The following TEK variants were observed in gnomAD, a reference collection of about 807,000 sequenced individuals.
TEK encodes the protein angiopoietin-1 receptor.
Under a neutral mutation model 131.8 loss-of-function variants are expected in TEK, and 43 were observed. That is an observed-to-expected ratio of 0.33 (90% confidence interval 0.26 to 0.42). The LOEUF is 0.42. Ranked by LOEUF, TEK falls within the 10% of genes least tolerant of loss-of-function variation. TEK has a pLI of 1.00. For synonymous variants in TEK, 580 were observed against 491.6 expected (o/e 1.18, Z -2.38); for missense variants, 1,162 against 1,384.4 (o/e 0.84, Z 2.55).
At position 27,109,455 on chromosome 9, in the gene TEK, T is replaced by A; in HGVS notation, c.-136T>A. 1.1e-6 allele frequency: 1 copy of A among 874,960 alleles called. No individual in the cohort carries two copies. Among genetic ancestry groups the A allele is most frequent in the Non-Finnish European group, 2.0e-6 (1 of 511,180 alleles). 54.2% of individuals were successfully genotyped at this position (874,960 alleles called of 1,614,324 possible). ...CTGTTACAGCCTGCTTCTGTGCTGT[T>A]CCTTCTTGCCTCTAACTTGTAAACA... On this transcript the variant is annotated 5_prime_UTR_variant, in exon 1 of 23. Transcript: ENST00000380036.
chr9:27,226,109 A>G (rs1328352521), intron 21 of TEK, among the ~76,000 whole-genome samples: 2 of 152,238 alleles, frequency 1.3e-5, no homozygotes, highest in South Asian at 4.1e-4. Context: ...GTGGAGAAAT[A>G]GGAATGCTTT....
At chr9:27,220,171 A>C (rs1274137687) in intron 21 of TEK, 26 bp downstream of exon 21, 1 of 1,610,632 alleles carries the variant, frequency 6.2e-7, no homozygotes, top group East Asian at 2.2e-5. Flanking sequence ...TCCTGGGGCT[A>C]TTTTGTCTTA....
At chr9:27,154,218 C>T (rs563527532) in intron 1 of TEK, among the ~76,000 whole-genome samples, 2 of 152,096 alleles carry the variant, frequency 1.3e-5, no homozygotes, top group South Asian at 2.1e-4. Flanking sequence ...GCAGAACGTG[C>T]AGGTCTGTTA....
intron 1 of TEK, among the ~76,000 whole-genome samples, chr9:27,119,701 C>T (rs1160356190): frequency 2.0e-5 from 3 of 152,206 alleles, no homozygotes; most frequent in Non-Finnish European, 2.9e-5. Context: ...CCCCCAGTTT[C>T]CTCTCATTTC....
intron 16 of TEK, among the ~76,000 whole-genome samples, chr9:27,211,177 A>ATATATGAATATATG (rs1433320275): frequency 1.5e-5 from 2 of 130,544 alleles, no homozygotes; most frequent in African/African-American, 5.9e-5. Context: ...ATGTGTATAT[A>ATATATGAATATATG]TATATATGAA....
At chr9:27,132,890 C>CAG (rs1001207372) in intron 1 of TEK, among the ~76,000 whole-genome samples, 6 of 151,966 alleles carry the variant, frequency 3.9e-5, no homozygotes, top group Non-Finnish European at 5.9e-5. Context: ...AGAGAGATGA[C>CAG]AGAGAGAGAG....
At position 27,207,984 on chromosome 9, in the gene TEK, G is replaced by T. The variant is rs573658103; in HGVS notation, c.2576-1137G>T. Among the ~76,000 whole-genome samples the T allele has an allele frequency of 1.0e-3, 159 of 152,248 alleles. 1 individual carries two copies. Among genetic ancestry groups the T allele is most frequent in the Non-Finnish European group, 2.0e-3 (133 of 68,024 alleles). On this transcript the variant is annotated intron_variant, in intron 15 of 22. Transcript: ENST00000380036. ...TTGGGGAGCAGTGAGGATAGTGAGAGGAGAGGGGTGTAGAATCTTATGAAG... is the reference window on the plus strand; with the variant it reads ...TTGGGGAGCAGTGAGGATAGTGAGATGAGAGGGGTGTAGAATCTTATGAAG...
chr9:27,218,679 T>TTTTCTC, intron 19 of TEK, 98 bp from the exon 20 acceptor site: 1 of 1,276,618 alleles, frequency 7.8e-7, no homozygotes, highest in Non-Finnish European at 1.1e-6. Context: ...TAACATCTCC[T>TTTTCTC]TTTCTCAGAA....
chr9:27,177,921 C>T (rs187666279), intron 6 of TEK, among the ~76,000 whole-genome samples: 11 of 152,078 alleles, frequency 7.2e-5, no homozygotes, highest in African/African-American at 2.7e-4. Context: ...ATTGTTTCTT[C>T]ACTCTGTTGA....
At chr9:27,209,891 C>A (rs958762669) in intron 16 of TEK, among the ~76,000 whole-genome samples, 5 of 152,056 alleles carry the variant, frequency 3.3e-5, no homozygotes, top group African/African-American at 4.8e-5. Flanking sequence ...AACAAAAATC[C>A]TCTATGGGTT....
At chr9:27,147,719 A>G (rs1245746871) in intron 1 of TEK, among the ~76,000 whole-genome samples, 1 of 152,106 alleles carries the variant, frequency 6.6e-6, no homozygotes, top group Admixed American at 6.6e-5. Flanking sequence ...TTGTATTTTA[A>G]TGTTTTACAC....
intron 21 of TEK, among the ~76,000 whole-genome samples, chr9:27,225,682 G>C (rs1048992161): frequency 3.3e-5 from 5 of 152,196 alleles, no homozygotes; most frequent in African/African-American, 9.6e-5. Flanking sequence ...CATGGGCAAA[G>C]ACTTCATGAC....
At position 27,185,613 on chromosome 9, in the gene TEK, C is replaced by G. The variant is rs780743521; in HGVS notation, c.1311C>G (p.Phe437Leu). The G allele has an allele frequency of 2.5e-6, 4 of 1,613,574 alleles. No individual in the cohort carries two copies. The highest frequency in any genetic ancestry group is 2.7e-5 in the African/African-American group (2 of 74,880). The change falls in exon 9 of 23, where the codon TTC becomes TTG. Residue 437 changes from phenylalanine to leucine, a missense_variant. By Grantham distance (22) the Phe-to-Leu change is conservative. Around this residue, in one of 6 missense-constraint regions of TEK, gnomAD observed 477 missense variants for 471.0 expected, o/e 1.01. Coordinates refer to ENST00000380036, the MANE Select transcript of TEK (RefSeq NM_000459.5). ...TGGCTGGGATGGTGGAAAAGCCCTT[C>G]AACATTTCTGTTAAAGGTAAGTTCA... ...NTVAGMVEKP[F>L]NISVKVLPKP...
chr9:27,212,729 G>A lies in TEK; in HGVS notation c.2709G>A (p.Glu903=). The change falls in exon 17 of 23, where the codon GAG becomes GAA. Residue 903 remains glutamate, a synonymous_variant. Coordinates refer to ENST00000380036, the MANE Select transcript of TEK (RefSeq NM_000459.5). ...EHRGYLYLAI[E]YAPHGNLLDF... ...CAGGCTACTTGTACCTGGCCATTGA[G>A]TACGCGCCCCATGGAAACCTTCTGG... is the stretch of plus-strand genomic sequence containing the variant. 2.5e-6 allele frequency: 4 copies of A among 1,614,106 alleles called. No individual in the cohort carries two copies. Among genetic ancestry groups the A allele is most frequent in the East Asian group, 4.5e-5 (2 of 44,866 alleles).
At chr9:27,141,257 A>G (rs1822712764) in intron 1 of TEK, among the ~76,000 whole-genome samples, 1 of 151,666 alleles carries the variant, frequency 6.6e-6, no homozygotes. Flanking sequence ...TATTTGGCTT[A>G]TATTTTGTTT....
At chr9:27,211,171 GTA>G (rs71492740) in intron 16 of TEK, among the ~76,000 whole-genome samples, 2,771 of 86,644 alleles carry the variant, frequency 0.032, 39 homozygotes, top group Non-Finnish European at 0.057. Context: ...ATATGTATGT[GTA>G]TATATATATA....
At chr9:27,182,475 C>A (rs985151093) in intron 7 of TEK, among the ~76,000 whole-genome samples, 2 of 152,062 alleles carry the variant, frequency 1.3e-5, no homozygotes, top group Admixed American at 6.6e-5. Context: ...AGTATTAGAC[C>A]TCTTTCCCTT....
At chr9:27,136,452 C>T (rs1822439711) in intron 1 of TEK, among the ~76,000 whole-genome samples, 1 of 152,190 alleles carries the variant, frequency 6.6e-6, no homozygotes, top group Non-Finnish European at 1.5e-5. Flanking sequence ...TTCACTCACT[C>T]TTATGCCTCT....
chr9:27,132,945 T>C (rs1822279975), intron 1 of TEK, among the ~76,000 whole-genome samples: 1 of 152,176 alleles, frequency 6.6e-6, no homozygotes, highest in African/African-American at 2.4e-5. Context: ...TTATTACCTT[T>C]AAACATAAAC....
Sources: gnomAD v4.1 joint callset for allele counts (sites outside exome capture counted in the v4.1 genomes callset) on GRCh38, gnomAD v4.1.1 for gene constraint, gnomAD v4.1.1 regional missense constraint, MANE v1.5 for transcripts, NCBI Gene and HGNC (gene_info 2026-07-23, HGNC 2026-07-21) for gene names.